The following WDR7 variants were observed in gnomAD, a reference collection of about 807,000 sequenced individuals.
The protein encoded by WDR7 is WD repeat-containing protein 7.
In WDR7, 46 loss-of-function variants were observed where a neutral mutation model predicts 169.4. The observed-to-expected ratio is 0.27, with a 90% CI of 0.21 to 0.35. The LOEUF (loss-of-function observed/expected upper bound fraction) is 0.35. WDR7 is among the 10% of genes least tolerant of loss of function. The pLI, the probability that WDR7 is intolerant of heterozygous loss-of-function variation, is 1.00. For missense variants in WDR7, 1,534 were observed against 1,859.3 expected (o/e 0.83, Z 3.22); for synonymous variants, 612 against 666.8 (o/e 0.92, Z 1.27).
chr18:56,831,408 A>T (rs2045305979), intron 20 of WDR7, among the ~76,000 whole-genome samples: 1 of 152,120 alleles, frequency 6.6e-6, no homozygotes, highest in South Asian at 2.1e-4. Context: ...CTGACAATAG[A>T]TGCTGAAAAT....
chr18:57,008,423 G>A (rs572746731), intron 26 of WDR7, among the ~76,000 whole-genome samples: 3 of 152,232 alleles, frequency 2.0e-5, no homozygotes, highest in Admixed American at 1.3e-4. Context: ...ACAAGAAGGC[G>A]GCTTATAGCC....
At chr18:56,985,587 T>G (rs2047703236) in intron 26 of WDR7, among the ~76,000 whole-genome samples, 1 of 152,148 alleles carries the variant, frequency 6.6e-6, no homozygotes, top group Non-Finnish European at 1.5e-5. Flanking sequence ...AAGTAAAATC[T>G]TTCCTCTTAG....
At chr18:56,966,974 A>G (rs567293807) in intron 26 of WDR7, among the ~76,000 whole-genome samples, 2 of 152,304 alleles carry the variant, frequency 1.3e-5, no homozygotes, top group African/African-American at 4.8e-5. Context: ...CAGAAGTCAA[A>G]ATGGTAACTT....
intron 12 of WDR7, among the ~76,000 whole-genome samples, chr18:56,698,331 G>A (rs1297023296): frequency 6.6e-6 from 1 of 152,012 alleles, no homozygotes; most frequent in Non-Finnish European, 1.5e-5. Context: ...AGTGGGCAGG[G>A]CATGGTGGCT....
chr18:56,921,573 A>C (rs1002252367), intron 21 of WDR7, among the ~76,000 whole-genome samples: 1 of 152,136 alleles, frequency 6.6e-6, no homozygotes, highest in Non-Finnish European at 1.5e-5. Flanking sequence ...GCTGAGCCAC[A>C]CATTCTCACA....
chr18:56,962,867 G>T (rs565777879), intron 26 of WDR7, among the ~76,000 whole-genome samples: 13 of 152,146 alleles, frequency 8.5e-5, no homozygotes, highest in Admixed American at 1.3e-4. Context: ...ATGTTATTAT[G>T]ATATAATGAT....
At chr18:56,728,885 C>T (rs2026520377) in intron 13 of WDR7, among the ~76,000 whole-genome samples, 1 of 152,188 alleles carries the variant, frequency 6.6e-6, no homozygotes. Context: ...TGCACCCTCT[C>T]AGCCTCTGAC....
At chr18:56,723,236 T>A (rs191517124) in intron 13 of WDR7, among the ~76,000 whole-genome samples, 20 of 152,124 alleles carry the variant, frequency 1.3e-4, no homozygotes, top group African/African-American at 4.3e-4. Context: ...CAAACAAAAG[T>A]ATCTATGATA....
chr18:57,020,569 T>G (rs1305191274), intron 26 of WDR7, among the ~76,000 whole-genome samples, 176 bp from the exon 27 acceptor site: 1 of 152,218 alleles, frequency 6.6e-6, no homozygotes, highest in Admixed American at 6.5e-5. Flanking sequence ...GAGAGTTCCC[T>G]CAATGAGAGA....
At chr18:56,753,971 C>G (rs548888716) in intron 14 of WDR7, among the ~76,000 whole-genome samples, 5 of 151,712 alleles carry the variant, frequency 3.3e-5, no homozygotes, top group East Asian at 3.9e-4. Context: ...TATAGCAATA[C>G]AAATTAGATT....
At chr18:57,012,350 G>C (rs1392168785) in intron 26 of WDR7, among the ~76,000 whole-genome samples, 1 of 152,144 alleles carries the variant, frequency 6.6e-6, no homozygotes, top group Admixed American at 6.5e-5. Flanking sequence ...GATTGCCGTG[G>C]ACCAGGACAG....
intron 20 of WDR7, among the ~76,000 whole-genome samples, chr18:56,855,452 A>G (rs1026105553): frequency 2.0e-5 from 3 of 152,148 alleles, no homozygotes; most frequent in Admixed American, 2.0e-4. Flanking sequence ...CAGGATCTTA[A>G]GAAATTCTTC....
chr18:56,834,859 G>A (rs1312889560), intron 20 of WDR7, among the ~76,000 whole-genome samples: 2 of 152,100 alleles, frequency 1.3e-5, no homozygotes, highest in East Asian at 3.9e-4. Flanking sequence ...CGTCTTATTG[G>A]TTTGAGCCCA....
At chr18:56,813,796 A>C (rs996847106) in intron 19 of WDR7, among the ~76,000 whole-genome samples, 2 of 152,082 alleles carry the variant, frequency 1.3e-5, no homozygotes, top group African/African-American at 4.8e-5. Context: ...GGAAAGCATC[A>C]ATCAAAGAAC....
intron 21 of WDR7, among the ~76,000 whole-genome samples, chr18:56,888,447 G>T (rs2145513044): frequency 6.6e-6 from 1 of 152,230 alleles, no homozygotes; most frequent in Non-Finnish European, 1.5e-5. Flanking sequence ...ACTTCTTTTG[G>T]TCCAAATAGT....
At chr18:56,778,961 C>A (rs2044278868) in intron 17 of WDR7, among the ~76,000 whole-genome samples, 1 of 152,114 alleles carries the variant, frequency 6.6e-6, no homozygotes. Flanking sequence ...AAATGGAGGA[C>A]ATCTCTTTTG....
At chr18:56,827,958 A>G (rs953830728) in intron 20 of WDR7, among the ~76,000 whole-genome samples, 1 of 152,240 alleles carries the variant, frequency 6.6e-6, no homozygotes, top group African/African-American at 2.4e-5. Context: ...TAAGTGCTCA[A>G]TAAATATGAT....
intron 12 of WDR7, among the ~76,000 whole-genome samples, chr18:56,703,204 G>C (rs537331603): frequency 1.3e-5 from 2 of 152,284 alleles, no homozygotes; most frequent in South Asian, 2.1e-4. Flanking sequence ...TAGATTCCCG[G>C]CTCCTAGAAA....
At chr18:56,876,935 C>T (rs994573069) in intron 20 of WDR7, among the ~76,000 whole-genome samples, 10 of 152,132 alleles carry the variant, frequency 6.6e-5, no homozygotes, top group African/African-American at 2.4e-4. Context: ...GTAATTCCTG[C>T]GCTTTGGGAG....
Sources: allele counts gnomAD v4.1 joint callset (sites outside exome capture counted in the v4.1 genomes callset), GRCh38; gene constraint gnomAD v4.1.1; transcripts MANE v1.5; gene names NCBI Gene and HGNC (gene_info 2026-07-23, HGNC 2026-07-21).